The following TRIM42 variants were observed in gnomAD, a reference collection of about 807,000 sequenced individuals.
TRIM42 encodes the protein tripartite motif-containing protein 42.
A neutral mutation model predicts 64.9 loss-of-function variants in TRIM42; 59 were observed. The observed-to-expected ratio is 0.91, with a 90% CI of 0.74 to 1.13. The LOEUF (loss-of-function observed/expected upper bound fraction) is 1.13, where lower values mean the gene tolerates loss of function less well. TRIM42 is among the 50% of genes most tolerant of loss of function. The pLI, the probability that TRIM42 is intolerant of heterozygous loss-of-function variation, is 0.00. For missense variants in TRIM42, 878 were observed against 929.5 expected, an observed-to-expected ratio of 0.94 and a Z score of 0.72; for synonymous variants, 354 against 346.3, an observed-to-expected ratio of 1.02 and a Z score of -0.25.
At chr3:140,693,045 C>A (rs80047964) in intron 4 of TRIM42, among the ~76,000 whole-genome samples, 1 of 152,122 alleles carries the variant, frequency 6.6e-6, no homozygotes, top group Non-Finnish European at 1.5e-5. Flanking sequence ...GGTTCTTTCT[C>A]CCACAGTGCT....
Position 140,688,207 on chromosome 3 carries a change from C to T in TRIM42, c.1525C>T (p.Pro509Ser). The change falls in exon 3 of 5, where the codon CCC becomes TCC. Residue 509 changes from proline to serine, a missense_variant. Physicochemically the swap from Pro to Ser is moderately conservative, Grantham distance 74. Transcript: ENST00000286349. ...AGGGGACTCCCTGCCCTCCCCCTAC[C>T]CCGTGCACTCAGAAACAATGATTGC... ...SSGDSLPSPY[P>S]VHSETMIARK... is the part of the protein sequence containing the mutation. The T allele has an allele frequency of 6.2e-7, 1 of 1,614,214 alleles. No homozygotes were observed. Among genetic ancestry groups the T allele is most frequent in the Non-Finnish European group, 8.5e-7 (1 of 1,180,036 alleles).
chr3:140,689,683 A>G (rs1034669094), intron 3 of TRIM42, among the ~76,000 whole-genome samples: 1 of 151,840 alleles, frequency 6.6e-6, no homozygotes, highest in African/African-American at 2.4e-5. Flanking sequence ...AACAACCCAT[A>G]CTTTGCAAGT....
chr3:140,693,512 A>G (rs1419652870), intron 4 of TRIM42, among the ~76,000 whole-genome samples: 1 of 152,222 alleles, frequency 6.6e-6, no homozygotes, highest in Non-Finnish European at 1.5e-5. Flanking sequence ...CATGATTTGC[A>G]TAAGTAAAGC....
intron 2 of TRIM42, among the ~76,000 whole-genome samples, chr3:140,684,597 G>T (rs1192137517): frequency 6.6e-6 from 1 of 152,214 alleles, no homozygotes; most frequent in Non-Finnish European, 1.5e-5. Flanking sequence ...GGACCTCTCA[G>T]TAGCTTCAGG....
intron 3 of TRIM42, among the ~76,000 whole-genome samples, chr3:140,690,539 A>G (rs1278778125): frequency 0.079 from 28 of 356 alleles, no homozygotes; most frequent in African/African-American, 0.14. Context: ...ATGTATATAT[A>G]TATATATATA....
Position 140,688,025 on chromosome 3 carries a change from T to C in TRIM42, c.1343T>C (p.Ile448Thr). Residue 448 changes from isoleucine to threonine, a missense_variant, in exon 3 of 5, where the codon ATC (isoleucine) becomes ACC (threonine). Transcript: ENST00000286349. ...GTGGCATTCCTGCAGTCAGCCAAGA[T>C]CCTGGTGGACCAGATCGAGGACGGC... ...GQVAFLQSAKILVDQIEDGIQ... is the reference protein window; with the variant it reads ...GQVAFLQSAKTLVDQIEDGIQ... 6.2e-7 allele frequency: 1 copy of C among 1,614,140 alleles called. No individual in the cohort carries two copies. Among genetic ancestry groups the C allele is most frequent in the Non-Finnish European group, 8.5e-7 (1 of 1,180,028 alleles).
intron 4 of TRIM42, among the ~76,000 whole-genome samples, chr3:140,693,333 C>T (rs1416875490): frequency 6.6e-6 from 1 of 152,218 alleles, no homozygotes; most frequent in Non-Finnish European, 1.5e-5. Flanking sequence ...TTCTTTTTAA[C>T]ACAATATCTA....
chr3:140,681,054 T>C (rs1163878934), intron 1 of TRIM42, among the ~76,000 whole-genome samples: 3 of 152,240 alleles, frequency 2.0e-5, no homozygotes, highest in African/African-American at 4.8e-5. Flanking sequence ...ATTTCATTTA[T>C]TTTTATACAC....
At chr3:140,694,130 C>A (rs760232212) in intron 4 of TRIM42, among the ~76,000 whole-genome samples, 6 of 152,194 alleles carry the variant, frequency 3.9e-5, no homozygotes, top group Non-Finnish European at 8.8e-5. Flanking sequence ...AGGGTAGGCT[C>A]AGCCCTGGGG....
Position 140,688,257 on chromosome 3 carries a change from C to G in TRIM42, c.1575C>G (p.His525Gln). The G allele has an allele frequency of 6.2e-7, 1 of 1,614,234 alleles. No homozygotes were observed. Among genetic ancestry groups the G allele is most frequent in the Non-Finnish European group, 8.5e-7 (1 of 1,180,038 alleles). The change falls in exon 3 of 5, where the codon CAC (histidine) becomes CAG (glutamine). Residue 525 changes from histidine (H) to glutamine (Q), a missense_variant. Transcript: ENST00000286349. ...MIARKVTFST[H>Q]SLGNQHIYQR... ...CCAGGAAGGTCACTTTCAGCACCCACAGCCTCGGCAACCAGCACATATACC... is the reference window on the plus strand; with the variant it reads ...CCAGGAAGGTCACTTTCAGCACCCAGAGCCTCGGCAACCAGCACATATACC...
At chr3:140,686,316 G>A (rs932083427) in intron 2 of TRIM42, among the ~76,000 whole-genome samples, 4 of 152,230 alleles carry the variant, frequency 2.6e-5, no homozygotes, top group Non-Finnish European at 5.9e-5. Flanking sequence ...GACCCTGGTA[G>A]TTTCCCTTTC....
At chr3:140,680,326 A>T (rs1328560786) in intron 1 of TRIM42, among the ~76,000 whole-genome samples, 5 of 151,586 alleles carry the variant, frequency 3.3e-5, no homozygotes, top group Non-Finnish European at 7.4e-5. Context: ...TCTGCTCAGC[A>T]CCTTACTTGT....
At chr3:140,678,644 T>C in intron 1 of TRIM42, 74 bp downstream of exon 1, 1 of 1,297,910 alleles carries the variant, frequency 7.7e-7, no homozygotes, top group Non-Finnish European at 1.1e-6. Context: ...CTGTGAAGTC[T>C]ACAGGGCAGG....
chr3:140,683,207 C>T (rs1988462087), intron 2 of TRIM42, 48 bp downstream of exon 2: 1 of 1,589,990 alleles, frequency 6.3e-7, no homozygotes, highest in Non-Finnish European at 8.6e-7. Context: ...TTCAGGAACA[C>T]ATGGGGAAGA....
Position 140,682,760 on chromosome 3 carries a change from C to T in TRIM42, c.640C>T (p.Leu214Phe). The stretch of plus-strand genomic sequence containing the variant: ...GCCCGAGAACTACCTGCACGGGCGT[C>T]TCACCAAGCGCTACATGCAGGAGCA... ...QLPENYLHGR[L>F]TKRYMQEHGY... Residue 214 changes from leucine to phenylalanine, a missense_variant, in exon 2 of 5, where the codon CTC becomes TTC. Coordinates refer to ENST00000286349, the MANE Select transcript of TRIM42 (RefSeq NM_152616.5). The T allele has an allele frequency of 6.2e-7, 1 of 1,613,302 alleles. No individual in the cohort carries two copies. Among genetic ancestry groups the T allele is most frequent in the Non-Finnish European group, 8.5e-7 (1 of 1,180,046 alleles).
intron 2 of TRIM42, among the ~76,000 whole-genome samples, chr3:140,684,546 G>C (rs1014431213): frequency 2.6e-5 from 4 of 152,188 alleles, no homozygotes; most frequent in African/African-American, 7.2e-5. Context: ...TGGATGTAAA[G>C]GTGGGTCAGA....
intron 2 of TRIM42, 101 bp downstream of exon 2, chr3:140,683,260 A>G: frequency 8.1e-7 from 1 of 1,227,004 alleles, no homozygotes; most frequent in Non-Finnish European, 1.2e-6. Context: ...AACAGATTCC[A>G]CCTAGTGGAG....
chr3:140,697,851 A>C (rs1436744460), intron 4 of TRIM42, among the ~76,000 whole-genome samples: 1 of 151,808 alleles, frequency 6.6e-6, no homozygotes. Flanking sequence ...GCCCGGCTAA[A>C]TTTTTGTATT....
At chr3:140,690,581 A>C (rs1298899008) in intron 3 of TRIM42, among the ~76,000 whole-genome samples, 1 of 67,620 alleles carries the variant, frequency 1.5e-5, no homozygotes, top group Non-Finnish European at 2.9e-5. Flanking sequence ...ATATATATAT[A>C]TATATGTTTG....
Sources: allele counts gnomAD v4.1 joint callset (sites outside exome capture counted in the v4.1 genomes callset), GRCh38; gene constraint gnomAD v4.1.1; transcripts MANE v1.5; gene names NCBI Gene and HGNC (gene_info 2026-07-23, HGNC 2026-07-21).